The following COL4A3 variants were observed in gnomAD, a reference collection of about 807,000 sequenced individuals.
COL4A3 encodes the protein collagen type IV alpha 3 chain.
COL4A3 carries 135 observed loss-of-function variants against 217.4 expected under a neutral mutation model. The observed-to-expected ratio is 0.62, with a 90% CI of 0.54 to 0.72. COL4A3 has a LOEUF of 0.72. Ranked by LOEUF, COL4A3 falls within the 30% of genes least tolerant of loss-of-function variation. The pLI, the probability that COL4A3 is intolerant of heterozygous loss-of-function variation, is 0.00. For missense variants in COL4A3, 1,868 were observed against 2,119.9 expected (o/e 0.88, Z 2.33); for synonymous variants, 690 against 736.3 (o/e 0.94, Z 1.02).
chr2:227,230,139 T>G (rs998267426), intron 1 of COL4A3, among the ~76,000 whole-genome samples: 1 of 152,120 alleles, frequency 6.6e-6, no homozygotes, highest in Non-Finnish European at 1.5e-5. Flanking sequence ...CCGTATATAT[T>G]CAGTAGGTCC....
At chr2:227,202,530 G>T (rs1211617928) in intron 1 of COL4A3, among the ~76,000 whole-genome samples, 1 of 150,954 alleles carries the variant, frequency 6.6e-6, no homozygotes, top group Non-Finnish European at 1.5e-5. Flanking sequence ...GGATCACTAG[G>T]TCAGGAGATC....
intron 1 of COL4A3, among the ~76,000 whole-genome samples, chr2:227,202,375 C>T (rs765618404): frequency 6.6e-6 from 1 of 152,044 alleles, no homozygotes; most frequent in Non-Finnish European, 1.5e-5. Flanking sequence ...AATAATCATG[C>T]CTGTCTTATT....
At chr2:227,310,293 G>T (rs937062390) in intron 50 of COL4A3, among the ~76,000 whole-genome samples, 1 of 152,170 alleles carries the variant, frequency 6.6e-6, no homozygotes, top group African/African-American at 2.4e-5. Context: ...TCTTGAGACA[G>T]AATCTCCCTC....
chr2:227,257,706 A>G (rs1574711491), intron 18 of COL4A3, 62 bp downstream of exon 18: 23 of 1,443,300 alleles, frequency 1.6e-5, no homozygotes, highest in Non-Finnish European at 2.0e-5. Flanking sequence ...AGTAGCAAGG[A>G]AATTTTGAAT....
intron 50 of COL4A3, 47 bp downstream of exon 50, chr2:227,309,365 A>T: frequency 1.4e-6 from 2 of 1,404,808 alleles, no homozygotes; most frequent in Non-Finnish European, 2.0e-6. Context: ...CTACCTGTAG[A>T]ATGTTACATT....
chr2:227,273,078 C>T lies in COL4A3; in HGVS notation c.1888C>T (p.Gln630Ter). 1 of 1,614,034 alleles carries T rather than the reference C, an allele frequency of 6.2e-7. No homozygotes were observed. Among genetic ancestry groups the T allele is most frequent in the African/African-American group, 1.3e-5 (1 of 75,034 alleles). The change falls in exon 26 of 52, where the codon CAA becomes TAA. Residue 630 changes from glutamine to a stop codon, truncating the protein, a stop_gained. Coordinates refer to ENST00000396578, the MANE Select transcript of COL4A3 (RefSeq NM_000091.5). LOFTEE classifies it high-confidence loss of function. Reference sequence around the variant, plus strand: ...AGGAGAACCTGGTCTCCAGGGCACGCAAGGAGTTCCTGGAGCCCCCGGACC... The same window carrying T: ...AGGAGAACCTGGTCTCCAGGGCACGTAAGGAGTTCCTGGAGCCCCCGGACC... Reference protein sequence around the residue: ...PQGEPGLQGTQGVPGAPGPPG... With the variant: ...PQGEPGLQGT
At chr2:227,227,854 T>C (rs960918222) in intron 1 of COL4A3, 1 of 152,052 alleles carries the variant, frequency 6.6e-6, no homozygotes, top group Non-Finnish European at 1.5e-5. Flanking sequence ...TTTTCTTACA[T>C]GAATAGTGAA....
intron 46 of COL4A3, 68 bp from the exon 47 acceptor site, chr2:227,304,917 G>A (rs1462850377): frequency 4.6e-6 from 6 of 1,292,998 alleles, no homozygotes; most frequent in African/African-American, 1.5e-5. Context: ...CTGGGTTAAC[G>A]GGATGGTTGG....
chr2:227,231,831 T>G (rs2068423679), intron 1 of COL4A3, among the ~76,000 whole-genome samples: 1 of 148,248 alleles, frequency 6.7e-6, no homozygotes, highest in Admixed American at 6.7e-5. Context: ...CGTGCCTGGC[T>G]GCATTCTTTA....
intron 1 of COL4A3, among the ~76,000 whole-genome samples, chr2:227,172,624 T>G (rs552113781): frequency 6.7e-6 from 1 of 149,372 alleles, no homozygotes; most frequent in South Asian, 2.2e-4. Context: ...TCTTGCTCTG[T>G]TGCCCAGGCT....
chr2:227,224,806 T>C (rs1270774167), intron 1 of COL4A3, among the ~76,000 whole-genome samples: 1 of 152,232 alleles, frequency 6.6e-6, no homozygotes, highest in Non-Finnish European at 1.5e-5. Flanking sequence ...AATTAATAAA[T>C]TATAGGACTT....
chr2:227,279,481 AC>A (rs2071805884), intron 28 of COL4A3: 1 of 308,486 alleles, frequency 3.2e-6, no homozygotes, highest in Non-Finnish European at 6.0e-6. Flanking sequence ...AAATCCACTT[AC>A]CTGTACACTG....
In COL4A3 at chr2:227,242,765, T is replaced by C. The variant is rs1045966544; in HGVS notation, c.235-1555T>C. On this transcript the variant is annotated intron_variant, in intron 3 of 51. Coordinates refer to ENST00000396578, the MANE Select transcript of COL4A3 (RefSeq NM_000091.5). ...GAACCAAAGGCACAGAACAAATATG[T>C]GTTTCTTATGTCACATATATGATGC... is the stretch of plus-strand genomic sequence containing the variant. Among the ~76,000 whole-genome samples, 13 of 152,348 alleles carry C rather than the reference T, an allele frequency of 8.5e-5. No homozygotes were observed. In the South Asian group the frequency reaches 2.7e-3, roughly 32 times the overall value.
chr2:227,305,129 A>G (rs368098987), intron 47 of COL4A3, 46 bp downstream of exon 47: 93 of 1,550,736 alleles, frequency 6.0e-5, no homozygotes, highest in Non-Finnish European at 8.2e-5. Flanking sequence ...CTATTTCGAC[A>G]TACAGAGAAG....
intron 1 of COL4A3, among the ~76,000 whole-genome samples, chr2:227,194,739 A>C (rs1445879145): frequency 6.6e-6 from 1 of 152,252 alleles, no homozygotes; most frequent in Non-Finnish European, 1.5e-5. Context: ...AATACAAAAG[A>C]AAGTAGAAAT....
intron 34 of COL4A3, among the ~76,000 whole-genome samples, chr2:227,286,728 C>A (rs2072350692): frequency 1.3e-5 from 2 of 152,184 alleles, no homozygotes; most frequent in African/African-American, 4.8e-5. Flanking sequence ...TAAAAGAGGA[C>A]TTAAATGTTG....
intron 1 of COL4A3, among the ~76,000 whole-genome samples, chr2:227,189,896 G>A (rs1287075834): frequency 6.6e-6 from 1 of 152,070 alleles, no homozygotes; most frequent in Non-Finnish European, 1.5e-5. Flanking sequence ...ACTTCTCTGT[G>A]TTATTCTGCT....
At chr2:227,261,498 G>A (rs1203492690) in intron 20 of COL4A3, among the ~76,000 whole-genome samples, 2 of 152,236 alleles carry the variant, frequency 1.3e-5, no homozygotes, top group East Asian at 1.9e-4. Flanking sequence ...CTGCACTCCA[G>A]CCTGGGCAAC....
intron 15 of COL4A3, among the ~76,000 whole-genome samples, chr2:227,255,083 A>G (rs2125937612): frequency 6.6e-6 from 1 of 152,200 alleles, no homozygotes; most frequent in South Asian, 2.1e-4. Flanking sequence ...AAGAGAGCAT[A>G]TTTCTCCCTG....
Sources: allele counts gnomAD v4.1 joint callset (sites outside exome capture counted in the v4.1 genomes callset), GRCh38; gene constraint gnomAD v4.1.1; transcripts MANE v1.5; gene names NCBI Gene and HGNC (gene_info 2026-07-23, HGNC 2026-07-21).